Variants in SDK1 observed in about 807,000 individuals in gnomAD.
SDK1 encodes the protein protein sidekick-1.
In SDK1, 157 loss-of-function variants were observed where a neutral mutation model predicts 245.5. The observed-to-expected ratio is 0.64, with a 90% CI of 0.56 to 0.73. The LOEUF (loss-of-function observed/expected upper bound fraction) is 0.73, where lower values mean the gene tolerates loss of function less well. SDK1 is among the 30% of genes least tolerant of loss of function. The pLI, the probability that SDK1 is intolerant of heterozygous loss-of-function variation, is 0.00. For synonymous variants in SDK1, 1,647 were observed against 1,278.5 expected (o/e 1.29, Z -6.15); for missense variants, 3,583 against 3,002.3 (o/e 1.19, Z -4.52).
intron 4 of SDK1, among the ~76,000 whole-genome samples, chr7:3,757,616 G>A (rs1244647904): frequency 1.3e-5 from 2 of 152,112 alleles, no homozygotes; most frequent in Non-Finnish European, 2.9e-5. Flanking sequence ...AGATGCATAG[G>A]GCAGGTGTGG....
chr7:3,353,355 C>A (rs1780710026), intron 1 of SDK1, among the ~76,000 whole-genome samples: 1 of 151,998 alleles, frequency 6.6e-6, no homozygotes, highest in Non-Finnish European at 1.5e-5. Flanking sequence ...GTTGCTATAA[C>A]CTTAGTGTAC....
At position 4,265,202 on chromosome 7, in the gene SDK1, A is replaced by C. The variant is rs1788385716; in HGVS notation, c.6460A>C (p.Asn2154His). 3 of 1,611,614 alleles carry C rather than the reference A, an allele frequency of 1.9e-6. No homozygotes were observed. The highest frequency in any genetic ancestry group is 2.5e-6 in the Non-Finnish European group (3 of 1,179,598). The change falls in exon 45 of 45, where the codon AAC (asparagine) becomes CAC (histidine). Residue 2154 changes from asparagine (N) to histidine (H), a missense_variant. By Grantham distance (68) the Asn-to-His change is moderately conservative (BLOSUM62 1). Transcript: ENST00000404826. Reference protein sequence around the residue: ...NHYMSDPTYYNSWKRRAQGRA... With the variant: ...NHYMSDPTYYHSWKRRAQGRA... ...CTACATGAGCGACCCCACCTACTAC[A>C]ACTCATGGAAGCGCAGGGCCCAGGG...
chr7:3,591,002 A>G (rs1403113917), intron 1 of SDK1, among the ~76,000 whole-genome samples: 1 of 152,032 alleles, frequency 6.6e-6, no homozygotes, highest in African/African-American at 2.4e-5. Flanking sequence ...AGGCTGGTAG[A>G]GCATTTTAAA....
At chr7:4,075,601 T>G (rs55808604) in intron 20 of SDK1, among the ~76,000 whole-genome samples, 1 of 151,630 alleles carries the variant, frequency 6.6e-6, no homozygotes, top group Non-Finnish European at 1.5e-5. Context: ...CTGATCACAT[T>G]AACTCCCCTC....
At chr7:3,507,952 C>A (rs755366592) in intron 1 of SDK1, among the ~76,000 whole-genome samples, 1 of 152,126 alleles carries the variant, frequency 6.6e-6, no homozygotes, top group Admixed American at 6.6e-5. Context: ...TCACTTGATT[C>A]CTGGTGGCAT....
intron 1 of SDK1, among the ~76,000 whole-genome samples, chr7:3,455,131 T>A (rs1211389854): frequency 1.3e-5 from 2 of 152,114 alleles, no homozygotes; most frequent in African/African-American, 2.4e-5. Context: ...ATTTTGTAAT[T>A]GGATTTTTGT....
intron 35 of SDK1, among the ~76,000 whole-genome samples, chr7:4,202,099 A>G (rs1014419352): frequency 1.2e-4 from 18 of 152,160 alleles, no homozygotes; most frequent in African/African-American, 4.3e-4. Flanking sequence ...TTTCCAGGAA[A>G]CATCCACATC....
chr7:3,772,776 T>A (rs1445028696), intron 4 of SDK1, among the ~76,000 whole-genome samples: 1 of 152,206 alleles, frequency 6.6e-6, no homozygotes, highest in Non-Finnish European at 1.5e-5. Context: ...ACAAACTCCC[T>A]CAACTTTTGT....
chr7:3,738,940 T>C (rs1470237179), intron 4 of SDK1, among the ~76,000 whole-genome samples: 1 of 151,956 alleles, frequency 6.6e-6, no homozygotes, highest in Non-Finnish European at 1.5e-5. Flanking sequence ...GTGTGTTCTA[T>C]GTATAAGATC....
chr7:3,360,638 G>A (rs925866970), intron 1 of SDK1, among the ~76,000 whole-genome samples: 7 of 152,168 alleles, frequency 4.6e-5, no homozygotes, highest in Admixed American at 2.6e-4. Context: ...ACAAGCTGGC[G>A]TTGGATTGCG....
chr7:4,074,598 C>T (rs936746580), intron 20 of SDK1, among the ~76,000 whole-genome samples: 2 of 151,924 alleles, frequency 1.3e-5, no homozygotes, highest in Non-Finnish European at 2.9e-5. Flanking sequence ...TGGTGGCTGA[C>T]GGCTGTAATC....
intron 4 of SDK1, among the ~76,000 whole-genome samples, chr7:3,727,611 C>T (rs977286645): frequency 6.6e-6 from 1 of 152,078 alleles, no homozygotes; most frequent in African/African-American, 2.4e-5. Context: ...CAGCCTCAGC[C>T]TCCTGAGTAG....
chr7:3,586,413 C>A (rs901520596), intron 1 of SDK1, among the ~76,000 whole-genome samples: 1 of 151,636 alleles, frequency 6.6e-6, no homozygotes, highest in Non-Finnish European at 1.5e-5. Flanking sequence ...AAATAGAGGA[C>A]AGGGCCGGGC....
At chr7:3,579,045 C>T (rs1562576849) in intron 1 of SDK1, among the ~76,000 whole-genome samples, 1 of 151,970 alleles carries the variant, frequency 6.6e-6, no homozygotes, top group Admixed American at 6.6e-5. Flanking sequence ...TCTGCCGCGG[C>T]TCCAGCTGGT....
At chr7:3,739,779 T>G (rs1400532539) in intron 4 of SDK1, among the ~76,000 whole-genome samples, 1 of 152,224 alleles carries the variant, frequency 6.6e-6, no homozygotes, top group East Asian at 1.9e-4. Context: ...TTCTATTGAT[T>G]GCTTTTTTTC....
intron 1 of SDK1, among the ~76,000 whole-genome samples, chr7:3,490,545 G>A (rs1200544479): frequency 6.6e-6 from 1 of 152,048 alleles, no homozygotes; most frequent in African/African-American, 2.4e-5. Context: ...TATTTTTTGT[G>A]TCAAGAACTT....
chr7:3,790,410 T>C (rs1255045667), intron 4 of SDK1, among the ~76,000 whole-genome samples: 3 of 152,130 alleles, frequency 2.0e-5, no homozygotes, highest in Non-Finnish European at 4.4e-5. Flanking sequence ...CAAAGGGGCC[T>C]GCAAAACCAG....
At chr7:3,794,976 A>G (rs975075336) in intron 4 of SDK1, among the ~76,000 whole-genome samples, 3 of 151,946 alleles carry the variant, frequency 2.0e-5, no homozygotes, top group Admixed American at 6.6e-5. Flanking sequence ...TTACTATTAC[A>G]GTATTAAGGA....
At chr7:3,617,069 T>C (rs1054667194) in intron 1 of SDK1, among the ~76,000 whole-genome samples, 6 of 152,228 alleles carry the variant, frequency 3.9e-5, no homozygotes, top group African/African-American at 1.4e-4. Context: ...TTCTCCATGC[T>C]TCTGTTTATT....
Sources: allele counts gnomAD v4.1 joint callset (sites outside exome capture counted in the v4.1 genomes callset), GRCh38; gene constraint gnomAD v4.1.1; transcripts MANE v1.5; gene names NCBI Gene and HGNC (gene_info 2026-07-23, HGNC 2026-07-21).